STAB2: variants seen among roughly 807,000 people sequenced by gnomAD.
STAB2 encodes stabilin-2.
A neutral mutation model predicts 338.1 loss-of-function variants in STAB2; 288 were observed. That is an observed-to-expected ratio of 0.85 (90% confidence interval 0.77 to 0.94). The LOEUF (loss-of-function observed/expected upper bound fraction) is 0.94. Ranked by LOEUF, STAB2 falls within the 40% of genes least tolerant of loss-of-function variation. The pLI, the probability that STAB2 is intolerant of heterozygous loss-of-function variation, is 0.00. For missense variants in STAB2, 3,141 were observed against 3,210.1 expected (o/e 0.98, Z 0.52); for synonymous variants, 1,202 against 1,193.3 (o/e 1.01, Z -0.15).
At position 103,699,163 on chromosome 12, in the gene STAB2, G is replaced by A. The variant is rs1449022068; in HGVS notation, c.3650G>A (p.Gly1217Asp). The change falls in exon 34 of 69, where the codon GGC (glycine) becomes GAC (aspartate). Residue 1217 changes from glycine to aspartate, a missense_variant. Transcript: ENST00000388887. ...EKLLKNDLHNGMHRETMLGFS... is the reference protein window; with the variant it reads ...EKLLKNDLHNDMHRETMLGFS... The stretch of plus-strand genomic sequence containing the variant: ...CTCCTGAAGAATGACCTGCACAATG[G>A]CATGCATCGTGAGACCATGCTGGGT... 3 of 1,613,384 alleles carry A rather than the reference G, an allele frequency of 1.9e-6. No homozygotes were observed. The highest frequency in any genetic ancestry group is 2.2e-5 in the East Asian group (1 of 44,834).
In STAB2 at chr12:103,717,805, T is replaced by G. The variant is rs753921865; in HGVS notation, c.4647T>G (p.Asp1549Glu). ...ACNCLPAYTG[D>E]GKVCTLINVC... is the part of the protein sequence containing the mutation. ...ACTGTTTGCCAGCATACACTGGAGA[T>G]GGAAAGGTCTGCACACTCATCAATG... is the stretch of plus-strand genomic sequence containing the variant. The change falls in exon 44 of 69, where the codon GAT (aspartate) becomes GAG (glutamate). Residue 1549 changes from aspartate to glutamate, a missense_variant. Transcript: ENST00000388887. The G allele has an allele frequency of 1.2e-6, 2 of 1,614,100 alleles. No homozygotes were observed. The highest frequency in any genetic ancestry group is 1.7e-6 in the Non-Finnish European group (2 of 1,179,990).
intron 42 of STAB2, 81 bp downstream of exon 42, chr12:103,713,849 A>G (rs1466554448): frequency 6.4e-6 from 10 of 1,569,258 alleles, no homozygotes; most frequent in Middle Eastern, 2.1e-4. Flanking sequence ...GTGTGCCCTG[A>G]TTATCAGGAC....
chr12:103,637,267 T>A (rs1321709822), intron 7 of STAB2, 31 bp downstream of exon 7: 19 of 1,603,300 alleles, frequency 1.2e-5, no homozygotes, highest in Middle Eastern at 1.7e-4. Flanking sequence ...GCTAGTTTAT[T>A]CATTGAGATG....
intron 2 of STAB2, chr12:103,592,062 A>T (rs931768452): frequency 6.6e-6 from 1 of 152,204 alleles, no homozygotes; most frequent in Non-Finnish European, 1.5e-5. Context: ...CATCATTTTA[A>T]ATAAAAGTTT....
intron 25 of STAB2, among the ~76,000 whole-genome samples, chr12:103,677,932 G>A (rs560065524): frequency 6.6e-6 from 1 of 152,328 alleles, no homozygotes; most frequent in Admixed American, 6.5e-5. Context: ...CTATAGCTCT[G>A]CAGTGTATTG....
intron 5 of STAB2, among the ~76,000 whole-genome samples, chr12:103,626,698 T>C (rs2138651318): frequency 6.6e-6 from 1 of 152,298 alleles, no homozygotes; most frequent in East Asian, 1.9e-4. Context: ...GGTGCCAGTG[T>C]TGTGTCATCC....
intron 3 of STAB2, among the ~76,000 whole-genome samples, chr12:103,610,184 G>A (rs1957099642): frequency 6.6e-6 from 1 of 151,964 alleles, no homozygotes; most frequent in Non-Finnish European, 1.5e-5. Context: ...TTTGGTATCA[G>A]GATGATGCTG....
intron 39 of STAB2, among the ~76,000 whole-genome samples, chr12:103,709,736 A>T (rs547636873): frequency 6.6e-6 from 1 of 152,334 alleles, no homozygotes; most frequent in African/African-American, 2.4e-5. Context: ...CAAGCCAAAG[A>T]AATATCCCAG....
intron 3 of STAB2, among the ~76,000 whole-genome samples, chr12:103,605,002 A>G (rs1957006371): frequency 6.6e-6 from 1 of 151,800 alleles, no homozygotes; most frequent in Admixed American, 6.6e-5. Flanking sequence ...CCTTGTAAGC[A>G]CTGCTTTAAG....
chr12:103,635,416 G>GA (rs1957528774), intron 6 of STAB2, among the ~76,000 whole-genome samples: 3 of 152,280 alleles, frequency 2.0e-5, no homozygotes, highest in South Asian at 4.1e-4. Context: ...CCAGGCTCCC[G>GA]AAAAACAGCT....
At chr12:103,626,344 C>G (rs975245391) in intron 5 of STAB2, among the ~76,000 whole-genome samples, 2 of 152,150 alleles carry the variant, frequency 1.3e-5, no homozygotes, top group African/African-American at 4.8e-5. Flanking sequence ...AGTTCTAGGA[C>G]GTAACAATTA....
intron 3 of STAB2, among the ~76,000 whole-genome samples, chr12:103,613,184 T>C (rs1183111260): frequency 6.6e-6 from 1 of 152,208 alleles, no homozygotes; most frequent in Admixed American, 6.5e-5. Context: ...TCAAGCTGCG[T>C]GCTGGGAGAA....
chr12:103,601,727 C>T (rs991601635), intron 3 of STAB2, among the ~76,000 whole-genome samples: 2 of 152,186 alleles, frequency 1.3e-5, no homozygotes, highest in African/African-American at 4.8e-5. Context: ...TATATTAAAA[C>T]ATTCAAATTG....
chr12:103,711,600 G>C (rs565371462), intron 40 of STAB2, 84 bp downstream of exon 40: 1 of 1,482,392 alleles, frequency 6.7e-7, no homozygotes, highest in African/African-American at 1.4e-5. Context: ...ATCCTCAGGG[G>C]ATTTGTTTCC....
chr12:103,607,967 C>G (rs1030874181), intron 3 of STAB2, among the ~76,000 whole-genome samples: 1 of 152,330 alleles, frequency 6.6e-6, no homozygotes, highest in Admixed American at 6.5e-5. Flanking sequence ...GCCACACTGA[C>G]TTCCACAATG....
chr12:103,688,149 C>T lies in STAB2; in HGVS notation c.2998-19C>T. Reference sequence around the variant, plus strand: ...TTCTCTCCCATCTCTTCTTCCCTCCCTTGCATGATATGAATAAGGAATTGT... The same window carrying T: ...TTCTCTCCCATCTCTTCTTCCCTCCTTTGCATGATATGAATAAGGAATTGT... On this transcript the variant is annotated intron_variant, in intron 27 of 68. Transcript: ENST00000388887. The T allele has an allele frequency of 6.2e-7, 1 of 1,612,020 alleles. No individual in the cohort carries two copies.
At chr12:103,708,392 T>C in intron 38 of STAB2, 49 bp from the exon 39 acceptor site, 1 of 1,578,328 alleles carries the variant, frequency 6.3e-7, no homozygotes, top group Non-Finnish European at 8.7e-7. Flanking sequence ...AAATGAGTTA[T>C]TGAACATGGG....
At chr12:103,712,948 C>T (rs1252746811) in intron 41 of STAB2, among the ~76,000 whole-genome samples, 2 of 152,168 alleles carry the variant, frequency 1.3e-5, no homozygotes, top group Non-Finnish European at 2.9e-5. Flanking sequence ...ACCTCCCTTG[C>T]AGAGTGGTTT....
chr12:103,653,176 C>G (rs1182855717), intron 12 of STAB2, among the ~76,000 whole-genome samples: 1 of 152,078 alleles, frequency 6.6e-6, no homozygotes, highest in Non-Finnish European at 1.5e-5. Context: ...CATCCTCCCC[C>G]ACCCCACCCC....
Sources: gnomAD v4.1 joint callset for allele counts (sites outside exome capture counted in the v4.1 genomes callset) on GRCh38, gnomAD v4.1.1 for gene constraint, MANE v1.5 for transcripts, NCBI Gene and HGNC (gene_info 2026-07-23, HGNC 2026-07-21) for gene names.